The following SCRN1 variants were observed in gnomAD, a reference collection of about 807,000 sequenced individuals.
The protein encoded by SCRN1 is secernin 1.
In SCRN1, 19 loss-of-function variants were observed where a neutral mutation model predicts 43.3. The ratio of observed to expected loss-of-function variants is 0.44; its 90% CI spans 0.31 to 0.64. SCRN1 has a LOEUF of 0.64. SCRN1 is among the 30% of genes least tolerant of loss of function. The pLI, the probability that SCRN1 is intolerant of heterozygous loss-of-function variation, is 0.09. For missense variants in SCRN1, 447 were observed against 524.1 expected (o/e 0.85, Z 1.44); for synonymous variants, 183 against 188.9 (o/e 0.97, Z 0.26).
Position 29,965,359 on chromosome 7 carries a change from G to A in SCRN1, c.159+3550C>T, listed in dbSNP as rs940263998. On this transcript the variant is annotated intron_variant, in intron 2 of 7. Coordinates refer to ENST00000242059, the MANE Select transcript of SCRN1 (RefSeq NM_014766.5). This position sits in a 1 kb window ranked among gnomAD's most constrained non-coding sequence, Gnocchi z 4.2. ...AGGAGAAAGAGACCCAGGGACAAAT[G>A]AGAAGATTGTAGCAGAAAAGAGATG... Among the ~76,000 whole-genome samples, 8 of 152,134 alleles carry A rather than the reference G, an allele frequency of 5.3e-5. No individual in the cohort carries two copies. The highest frequency in any genetic ancestry group is 1.7e-4 in the African/African-American group (7 of 41,430).
chr7:29,975,824 T>C (rs1376190166), intron 1 of SCRN1, among the ~76,000 whole-genome samples: 4 of 152,202 alleles, frequency 2.6e-5, no homozygotes, highest in Non-Finnish European at 5.9e-5. Flanking sequence ...CTCCCATAGA[T>C]GGGTAAGCTG....
chr7:29,983,945 C>T (rs1789070141), intron 1 of SCRN1, among the ~76,000 whole-genome samples: 1 of 152,116 alleles, frequency 6.6e-6, no homozygotes, highest in Non-Finnish European at 1.5e-5. Flanking sequence ...GTGGCTCATG[C>T]CTGTAATCCC....
At chr7:29,949,515 C>T (rs1229494724) in intron 3 of SCRN1, among the ~76,000 whole-genome samples, 2 of 151,132 alleles carry the variant, frequency 1.3e-5, no homozygotes, top group Non-Finnish European at 3.0e-5. Context: ...GTAGCTGGGA[C>T]CACAGGCGTG....
chr7:29,924,687 G>C (rs1786882304), intron 7 of SCRN1, among the ~76,000 whole-genome samples: 3 of 152,078 alleles, frequency 2.0e-5, no homozygotes. Flanking sequence ...CCAGTGACTG[G>C]GAGGGCACTC....
intron 1 of SCRN1, among the ~76,000 whole-genome samples, chr7:29,981,831 T>C (rs1788999647): frequency 6.6e-6 from 1 of 152,192 alleles, no homozygotes; most frequent in Admixed American, 6.5e-5. Context: ...TATGTGGTCT[T>C]TGCCATCCCT....
chr7:29,978,605 T>C (rs1788902403), intron 1 of SCRN1, among the ~76,000 whole-genome samples: 4 of 152,182 alleles, frequency 2.6e-5, no homozygotes, highest in South Asian at 4.1e-4. Flanking sequence ...TTTCCTCATA[T>C]ACAAATGGAA....
intron 1 of SCRN1, among the ~76,000 whole-genome samples, chr7:29,986,018 T>C (rs1789138598): frequency 1.3e-5 from 2 of 152,340 alleles, no homozygotes; most frequent in Admixed American, 6.5e-5. Context: ...GCAGATCACC[T>C]GAGGTCAGGA....
intron 1 of SCRN1, among the ~76,000 whole-genome samples, chr7:29,975,573 G>A (rs1253394048): frequency 6.6e-6 from 1 of 152,230 alleles, no homozygotes; most frequent in Non-Finnish European, 1.5e-5. Context: ...GTAAGGGTAA[G>A]TACTAATGCC....
At chr7:29,974,668 C>A (rs931023921) in intron 1 of SCRN1, among the ~76,000 whole-genome samples, 1 of 150,468 alleles carries the variant, frequency 6.6e-6, no homozygotes, top group African/African-American at 2.4e-5. Context: ...TTTGTTTACA[C>A]GATTCTTTCT....
chr7:29,989,618 C>T lies in SCRN1; in HGVS notation c.-2+24G>A, dbSNP rs372684176. 2.2e-4 allele frequency: 218 copies of T among 985,676 alleles called. 3 individuals carry two copies. The East Asian group carries it at 0.02, about 90-fold the overall frequency. 61.1% of individuals were successfully genotyped at this position (985,676 alleles called of 1,614,324 possible). A position where few individuals can be genotyped will look rare whatever the true frequency, so the allele number is the denominator to read the frequency against. ...GCCGGGAAAGCAGCGCTGCAAACGC[C>T]CTGCGCTCCCAGACGCGGCTCACCT... is the stretch of plus-strand genomic sequence containing the variant. On this transcript the variant is annotated intron_variant, in intron 1 of 7. Coordinates refer to ENST00000242059, the MANE Select transcript of SCRN1 (RefSeq NM_014766.5).
chr7:29,974,127 AT>A (rs1788740286), intron 1 of SCRN1, among the ~76,000 whole-genome samples: 1 of 152,158 alleles, frequency 6.6e-6, no homozygotes, highest in Non-Finnish European at 1.5e-5. Context: ...TTTTCCTCTA[AT>A]TTCCAACTTT....
At chr7:29,949,863 A>AC in intron 3 of SCRN1, among the ~76,000 whole-genome samples, 1 of 151,930 alleles carries the variant, frequency 6.6e-6, no homozygotes, top group South Asian at 2.1e-4. Context: ...TTTTGTAGAA[A>AC]CAGGCTTTTG....
chr7:29,990,249 G>A (rs913103343), upstream of SCRN1: 31 of 1,551,496 alleles, frequency 2.0e-5, no homozygotes, highest in East Asian at 6.8e-4. Context: ...ATGTTGGTAA[G>A]CCAGACCCTG....
intron 4 of SCRN1, among the ~76,000 whole-genome samples, chr7:29,941,566 G>A (rs1216587299): frequency 6.6e-6 from 1 of 152,184 alleles, no homozygotes; most frequent in Non-Finnish European, 1.5e-5. Flanking sequence ...GTGAGTGTGT[G>A]AGATAAAGTG....
rs747861164 is a variant in SCRN1 at position 29,940,646 on chromosome 7, A to G, written c.739+36T>C. The G allele has an allele frequency of 4.5e-6, 7 of 1,547,884 alleles. No individual in the cohort carries two copies. The Admixed American group carries it at 1.5e-4, about 34-fold the overall frequency. On this transcript the variant is annotated intron_variant, in intron 5 of 7. Transcript: ENST00000242059. The stretch of plus-strand genomic sequence containing the variant: ...CAGAAACAGCTGCAAGAGAAAGGGT[A>G]TGAGAAGGAGAATCGTGAGGGAGAG...
intron 7 of SCRN1, among the ~76,000 whole-genome samples, 195 bp downstream of exon 7, chr7:29,926,257 T>C (rs528922688): frequency 6.6e-6 from 1 of 152,254 alleles, no homozygotes; most frequent in African/African-American, 2.4e-5. Context: ...TCTTATTTGG[T>C]TTCAAGAGCC....
intron 7 of SCRN1, among the ~76,000 whole-genome samples, chr7:29,924,403 A>C (rs979658193): frequency 1.2e-4 from 19 of 152,196 alleles, no homozygotes; most frequent in Admixed American, 1.2e-3. Flanking sequence ...CTTCCCCTGC[A>C]TCTCCCCACT....
intron 6 of SCRN1, among the ~76,000 whole-genome samples, chr7:29,926,846 C>T (rs1264093808): frequency 6.6e-6 from 1 of 152,106 alleles, no homozygotes; most frequent in African/African-American, 2.4e-5. Context: ...CTGCAAATTC[C>T]TCTACTTACA....
rs914934826 is a variant in SCRN1 at position 29,922,925 on chromosome 7, C to G, written c.*1032G>C. 6.6e-6 allele frequency: 1 copy of G among 152,230 alleles called. No individual in the cohort carries two copies. The highest frequency in any genetic ancestry group is 1.5e-5 in the Non-Finnish European group (1 of 68,048). The allele number at this position is 152,230 out of a possible 1,614,324, so 9.4% of individuals were successfully genotyped here. On this transcript the variant is annotated 3_prime_UTR_variant, in exon 8 of 8. Transcript: ENST00000242059. ...AGTGAACCCGACATTGGAAACAAAT[C>G]AGTTTAATTAAAGTCTCTCTGCTGA...
Sources: allele counts gnomAD v4.1 joint callset (sites outside exome capture counted in the v4.1 genomes callset), GRCh38; gene constraint gnomAD v4.1.1; non-coding constraint Gnocchi (gnomAD v3.1); transcripts MANE v1.5; gene names NCBI Gene and HGNC (gene_info 2026-07-23, HGNC 2026-07-21).